The following TMEM132D variants were observed in gnomAD, a reference collection of about 807,000 sequenced individuals.
TMEM132D encodes mature OL transmembrane protein.
A neutral mutation model predicts 62.3 loss-of-function variants in TMEM132D; 21 were observed. The ratio of observed to expected loss-of-function variants is 0.34; its 90% CI spans 0.24 to 0.49. TMEM132D has a LOEUF of 0.49. Ranked by LOEUF, TMEM132D falls within the 20% of genes least tolerant of loss-of-function variation. The probability of loss-of-function intolerance (pLI) is 0.99; values close to 1 mark genes in which losing one functional copy is unlikely to be tolerated. For synonymous variants in TMEM132D, 621 were observed against 575.6 expected, an observed-to-expected ratio of 1.08 and a Z score of -1.13; for missense variants, 1,346 against 1,402.8, an observed-to-expected ratio of 0.96 and a Z score of 0.65.
rs551589337 is a variant in TMEM132D at position 129,834,498 on chromosome 12, T to C, written c.79+68763A>G. On this transcript the variant is annotated intron_variant, in intron 1 of 8. Coordinates refer to ENST00000422113, the MANE Select transcript of TMEM132D (RefSeq NM_133448.3). ...ATACAGTTTTCCTTCCTAAACCCCC[T>C]CTCTCAGCCCTGAAAGATGAATGGT... Among the ~76,000 whole-genome samples the C allele has an allele frequency of 5.1e-4, 54 of 106,508 alleles. No individual in the cohort carries two copies. The Admixed American group carries it at 6.8e-3, about 13-fold the overall frequency. 69.9% of individuals were successfully genotyped at this position (106,508 alleles called of 152,430 possible). A position where few individuals can be genotyped will look rare whatever the true frequency, so the allele number is the denominator to read the frequency against.
chr12:129,186,912 C>T (rs559523051), intron 5 of TMEM132D, among the ~76,000 whole-genome samples: 5 of 152,308 alleles, frequency 3.3e-5, no homozygotes, highest in Non-Finnish European at 7.4e-5. Flanking sequence ...ATTTTAGACA[C>T]ACTATTTTTG....
chr12:129,472,875 C>A (rs7971909), intron 3 of TMEM132D, among the ~76,000 whole-genome samples: 109,669 of 150,474 alleles, frequency 0.73, 39,786 homozygotes, highest in Middle Eastern at 0.78. Flanking sequence ...TATTTTAAGA[C>A]TTTTTTTTTT....
chr12:129,352,642 C>T (rs1226704234), intron 3 of TMEM132D, among the ~76,000 whole-genome samples: 1 of 151,870 alleles, frequency 6.6e-6, no homozygotes, highest in Non-Finnish European at 1.5e-5. Context: ...TTTATGTGGT[C>T]AACAAACATA....
intron 3 of TMEM132D, among the ~76,000 whole-genome samples, chr12:129,352,371 G>A (rs1368374776): frequency 2.0e-5 from 3 of 151,614 alleles, no homozygotes; most frequent in Admixed American, 6.6e-5. Context: ...TAGGGTGGAC[G>A]CCTTCCTCCT....
intron 3 of TMEM132D, among the ~76,000 whole-genome samples, chr12:129,460,620 G>T (rs116577947): frequency 6.6e-6 from 1 of 152,114 alleles, no homozygotes; most frequent in African/African-American, 2.4e-5. Context: ...ACTGCATTGG[G>T]CATCCAGTTA....
intron 2 of TMEM132D, among the ~76,000 whole-genome samples, chr12:129,619,043 T>C (rs1419764983): frequency 6.6e-6 from 1 of 152,168 alleles, no homozygotes; most frequent in Non-Finnish European, 1.5e-5. Context: ...CCAAGGTTTT[T>C]TATCATGCAG....
chr12:129,379,353 A>AAATG (rs1870872123), intron 3 of TMEM132D, among the ~76,000 whole-genome samples: 1 of 152,194 alleles, frequency 6.6e-6, no homozygotes, highest in African/African-American at 2.4e-5. Context: ...AACTATGAAT[A>AAATG]AATGAATGAA....
intron 3 of TMEM132D, among the ~76,000 whole-genome samples, chr12:129,465,258 A>G (rs1466882234): frequency 6.6e-6 from 1 of 152,198 alleles, no homozygotes; most frequent in Non-Finnish European, 1.5e-5. Flanking sequence ...CCTTCATGCT[A>G]AAAACTCTTG....
chr12:129,414,917 C>T (rs780513660), intron 3 of TMEM132D, among the ~76,000 whole-genome samples: 4 of 152,102 alleles, frequency 2.6e-5, no homozygotes, highest in African/African-American at 7.2e-5. Context: ...GAGATCATGC[C>T]GTATCTGTCT....
rs1874086031 is a variant in TMEM132D, at chr12:129,867,165, CA to C, written c.79+36095del. On this transcript the variant is annotated intron_variant, in intron 1 of 8. Transcript: ENST00000422113. This position sits in a 1 kb window ranked among gnomAD's most constrained non-coding sequence, Gnocchi z 4.5. ...GTCCTAGCTACATGGGAGGCTGAGG[CA>C]GGAGGATGGCTTGAGCCTGGGAGAC... 6.6e-6 allele frequency among the ~76,000 whole-genome samples: 1 copy of C among 152,064 alleles called. No homozygotes were observed. The highest frequency in any genetic ancestry group is 1.5e-5 in the Non-Finnish European group (1 of 68,024).
intron 3 of TMEM132D, among the ~76,000 whole-genome samples, chr12:129,429,132 A>ATCCTTCAAGTTACTCACTGTAGTCCAAAG (rs1566065686): frequency 3.3e-5 from 3 of 89,606 alleles, no homozygotes; most frequent in African/African-American, 9.0e-5. Context: ...GTAGTCCAAA[A>ATCCTTCAAGTTACTCACTGTAGTCCAAAG]TCCTTCAAGT....
At chr12:129,754,369 T>G (rs1870097395) in intron 1 of TMEM132D, among the ~76,000 whole-genome samples, 1 of 152,190 alleles carries the variant, frequency 6.6e-6, no homozygotes, top group South Asian at 2.1e-4. Context: ...CATGTCTGGA[T>G]GCTAAGTCTG....
At position 129,903,253 on chromosome 12, in the gene TMEM132D, G is replaced by C; in HGVS notation, c.79+8C>G. The C allele has an allele frequency of 6.4e-7, 1 of 1,552,048 alleles. No individual in the cohort carries two copies. Among genetic ancestry groups the C allele is most frequent in the Non-Finnish European group, 8.7e-7 (1 of 1,147,286 alleles). On this transcript the variant is annotated splice_region_variant and intron_variant, in intron 1 of 8. Coordinates refer to ENST00000422113, the MANE Select transcript of TMEM132D (RefSeq NM_133448.3). The surrounding 1 kb of genome is among the most constrained non-coding windows in gnomAD (Gnocchi z 6.2). ...GTCCCCGGGCCCTGGCGGCCGCGGC[G>C]TCCTCACCTTTGGAAAACAGGGCGG...
chr12:129,458,294 G>T (rs938885460), intron 3 of TMEM132D, among the ~76,000 whole-genome samples: 1 of 152,088 alleles, frequency 6.6e-6, no homozygotes, highest in Admixed American at 6.5e-5. Flanking sequence ...ATCTTTGGGT[G>T]TAAGTCCTCC....
intron 3 of TMEM132D, among the ~76,000 whole-genome samples, chr12:129,382,766 C>T (rs1425743275): frequency 1.3e-5 from 2 of 152,108 alleles, no homozygotes; most frequent in African/African-American, 2.4e-5. Flanking sequence ...TTGAGGTGAA[C>T]ACATGTTTAG....
intron 3 of TMEM132D, among the ~76,000 whole-genome samples, chr12:129,453,551 A>C (rs1873370514): frequency 6.6e-6 from 1 of 152,214 alleles, no homozygotes. Flanking sequence ...ACATGTGATG[A>C]AAAACTCTAG....
chr12:129,850,648 G>A (rs947407356), intron 1 of TMEM132D, among the ~76,000 whole-genome samples: 30 of 152,130 alleles, frequency 2.0e-4, no homozygotes, highest in African/African-American at 7.2e-4. Context: ...GAATCAGGAC[G>A]TTTTCTACAA....
chr12:129,358,784 A>C (rs1031670087), intron 3 of TMEM132D, among the ~76,000 whole-genome samples: 1 of 152,128 alleles, frequency 6.6e-6, no homozygotes, highest in Non-Finnish European at 1.5e-5. Flanking sequence ...GAATGGGTAG[A>C]GGCAAAGGGA....
intron 1 of TMEM132D, among the ~76,000 whole-genome samples, chr12:129,848,228 A>C (rs1873425683): frequency 6.6e-6 from 1 of 152,202 alleles, no homozygotes; most frequent in Admixed American, 6.5e-5. Context: ...GTTTTTTGCC[A>C]ATAAAACACT....
Sources: gnomAD v4.1 joint callset for allele counts (sites outside exome capture counted in the v4.1 genomes callset) on GRCh38, gnomAD v4.1.1 for gene constraint, Gnocchi (gnomAD v3.1) non-coding constraint, MANE v1.5 for transcripts, NCBI Gene and HGNC (gene_info 2026-07-23, HGNC 2026-07-21) for gene names.